FSIP2: variants seen among roughly 807,000 people sequenced by gnomAD.
The protein encoded by FSIP2 is fibrous sheath-interacting protein 2.
A neutral mutation model predicts 510.5 loss-of-function variants in FSIP2; 367 were observed. That is an observed-to-expected ratio of 0.72 (90% CI 0.66 to 0.78). The LOEUF is 0.78. Ranked by LOEUF, FSIP2 falls within the 30% of genes least tolerant of loss-of-function variation. FSIP2 has a pLI of 0.00. For synonymous variants in FSIP2, 2,601 were observed against 2,732.2 expected (o/e 0.95, Z 1.50); for missense variants, 7,594 against 7,901.7 (o/e 0.96, Z 1.48).
Position 185,806,488 on chromosome 2 carries a change from T to A in FSIP2, c.17182T>A (p.Ser5728Thr). The change falls in exon 17 of 23, where the codon TCT becomes ACT. Residue 5728 changes from serine (S) to threonine (T), a missense_variant. Transcript: ENST00000424728. ...AGAGATTAGCAGGGATTCGGCACAG[T>A]CTGTTACAACAAAAAAAGTATCCTC... The part of the protein sequence containing the change: ...IQEISRDSAQ[S>T]VTTKKVSSST... 6.2e-7 allele frequency: 1 copy of A among 1,606,866 alleles called. No individual in the cohort carries two copies. Among genetic ancestry groups the A allele is most frequent in the Non-Finnish European group, 8.5e-7 (1 of 1,177,482 alleles).
In FSIP2 at chr2:185,803,224, G is replaced by C. The variant is rs1483546164; in HGVS notation, c.13918G>C (p.Gly4640Arg). ...AAGAAAAATATTCCACAGGGTAGTA[G>C]GCATTGTACAAACAAAATCCATAAG... Reference protein sequence around the residue: ...VLRKIFHRVVGIVQTKSIRDS... With the variant: ...VLRKIFHRVVRIVQTKSIRDS... The change falls in exon 17 of 23, where the codon GGC (glycine) becomes CGC (arginine). Residue 4640 changes from glycine to arginine, a missense_variant. Gly to Arg is a moderately radical substitution (Grantham distance 125, BLOSUM62 -2). Transcript: ENST00000424728. 9.8e-6 allele frequency: 15 copies of C among 1,530,464 alleles called. No individual in the cohort carries two copies. The highest frequency in any genetic ancestry group is 1.3e-5 in the Non-Finnish European group (15 of 1,144,230). The allele number at this position is 1,530,464 out of a possible 1,614,324, so 94.8% of individuals were successfully genotyped here.
At position 185,738,835 on chromosome 2, in the gene FSIP2, G is replaced by A. The variant is rs1206695607; in HGVS notation, c.-60G>A. On this transcript the variant is annotated 5_prime_UTR_variant, in exon 1 of 23. Transcript: ENST00000424728. ...GGTCAGGTCCGGACAGAGGGACAAC[G>A]GGGTGCTAGAGAAGGAGAGCGGGGC... 6.5e-7 allele frequency: 1 copy of A among 1,535,802 alleles called. No homozygotes were observed. Among genetic ancestry groups the A allele is most frequent in the Admixed American group, 2.0e-5 (1 of 50,982 alleles).
chr2:185,767,199 G>T (rs1426621264), intron 13 of FSIP2, among the ~76,000 whole-genome samples: 1 of 149,162 alleles, frequency 6.7e-6, no homozygotes, highest in Admixed American at 6.7e-5. Context: ...GGATAGCATC[G>T]GGAGATATAC....
At chr2:185,752,304 A>G (rs2105542825) in intron 7 of FSIP2, among the ~76,000 whole-genome samples, 1 of 150,830 alleles carries the variant, frequency 6.6e-6, no homozygotes, top group Non-Finnish European at 1.5e-5. Flanking sequence ...ACTGTCTTTA[A>G]ACTTTATTTT....
chr2:185,763,339 G>A (rs1288598170), intron 12 of FSIP2, 50 bp downstream of exon 12: 1 of 767,560 alleles, frequency 1.3e-6, no homozygotes, highest in Non-Finnish European at 2.2e-6. Context: ...AAAGGGATAT[G>A]ATCTTATGGT....
intron 13 of FSIP2, among the ~76,000 whole-genome samples, chr2:185,776,551 G>C (rs903507880): frequency 6.6e-5 from 10 of 151,848 alleles, no homozygotes; most frequent in Admixed American, 2.0e-4. Flanking sequence ...CATTAATTTT[G>C]ATAACATTCC....
chr2:185,819,536 G>C (rs1277516962), intron 19 of FSIP2, among the ~76,000 whole-genome samples: 1 of 151,684 alleles, frequency 6.6e-6, no homozygotes, highest in African/African-American at 2.4e-5. Flanking sequence ...AAAGAGAGGG[G>C]AAAAAATGAC....
intron 20 of FSIP2, among the ~76,000 whole-genome samples, chr2:185,826,236 C>T (rs1247735488): frequency 2.6e-5 from 4 of 151,756 alleles, no homozygotes; most frequent in Non-Finnish European, 4.4e-5. Context: ...GGCTGTACTT[C>T]CCATCTCATT....
intron 2 of FSIP2, among the ~76,000 whole-genome samples, chr2:185,740,170 C>T (rs2105523592): frequency 6.6e-6 from 1 of 152,238 alleles, no homozygotes; most frequent in Non-Finnish European, 1.5e-5. Flanking sequence ...ACCTGGCATA[C>T]CTTGTCTTCT....
intron 2 of FSIP2, 93 bp downstream of exon 2, chr2:185,739,564 T>C (rs1691880872): frequency 4.3e-6 from 5 of 1,169,366 alleles, no homozygotes; most frequent in Admixed American, 3.5e-5. Context: ...TTAAAGGAAT[T>C]TGCATCAACA....
At position 185,805,854 on chromosome 2, in the gene FSIP2, T is replaced by C. The variant is rs1231292036; in HGVS notation, c.16548T>C (p.Asn5516=). Residue 5516 remains asparagine (N), a synonymous_variant, in exon 17 of 23, where the codon AAT becomes AAC. Coordinates refer to ENST00000424728, the MANE Select transcript of FSIP2 (RefSeq NM_173651.4). ...LTSGLATGVT[N]KKEVDENKVG... ...CAGGGTTGGCTACAGGTGTGACAAA[T>C]AAAAAGGAAGTGGATGAAAATAAAG... The C allele has an allele frequency of 6.2e-7, 1 of 1,608,102 alleles. No individual in the cohort carries two copies. Among genetic ancestry groups the C allele is most frequent in the Non-Finnish European group, 8.5e-7 (1 of 1,177,572 alleles).
At chr2:185,817,611 C>T (rs1158592172) in intron 19 of FSIP2, among the ~76,000 whole-genome samples, 1 of 151,972 alleles carries the variant, frequency 6.6e-6, no homozygotes, top group Non-Finnish European at 1.5e-5. Flanking sequence ...ATATTTTCCA[C>T]ATCAATCAGC....
intron 8 of FSIP2, 51 bp from the exon 9 acceptor site, chr2:185,756,141 A>G (rs1226251984): frequency 2.8e-6 from 2 of 722,610 alleles, no homozygotes; most frequent in African/African-American, 1.8e-5. Context: ...ATCTTGGGTA[A>G]TTCTGTCATC....
At chr2:185,781,970 C>T (rs1304595862) in intron 13 of FSIP2, among the ~76,000 whole-genome samples, 1 of 152,118 alleles carries the variant, frequency 6.6e-6, no homozygotes, top group Non-Finnish European at 1.5e-5. Context: ...CCCCCAGCAG[C>T]TGGGACTACA....
chr2:185,816,354 G>C (rs1051907538), intron 19 of FSIP2, among the ~76,000 whole-genome samples: 4 of 151,378 alleles, frequency 2.6e-5, no homozygotes, highest in Non-Finnish European at 5.9e-5. Flanking sequence ...CCTCTTTATT[G>C]GTTATATTAG....
At chr2:185,761,434 T>C (rs1692347946) in intron 10 of FSIP2, among the ~76,000 whole-genome samples, 1 of 151,128 alleles carries the variant, frequency 6.6e-6, no homozygotes. Context: ...ATAAGATAAA[T>C]TAAATATAAG....
rs778234203 is a variant in FSIP2 at position 185,774,261 on chromosome 2, A to C, written c.1412-8444A>C. On this transcript the variant is annotated intron_variant, in intron 13 of 22. Coordinates refer to ENST00000424728, the MANE Select transcript of FSIP2 (RefSeq NM_173651.4). ...AAGCATGGACTTCTTCCTGTATATA[A>C]TGCCATATTTTCCTGGTATTATTCT... is the stretch of plus-strand genomic sequence containing the variant. Among the ~76,000 whole-genome samples the C allele has an allele frequency of 4.4e-4, 67 of 152,240 alleles. 1 individual carries two copies. The highest frequency in any genetic ancestry group is 8.8e-5 in the Non-Finnish European group (6 of 68,018).
At chr2:185,742,769 G>T (rs759537716) in intron 2 of FSIP2, among the ~76,000 whole-genome samples, 9 of 151,870 alleles carry the variant, frequency 5.9e-5, no homozygotes, top group Non-Finnish European at 1.2e-4. Flanking sequence ...AGAATATTTT[G>T]ATTCGAGAGA....
At chr2:185,758,352 A>T (rs901026714) in intron 9 of FSIP2, among the ~76,000 whole-genome samples, 3 of 151,160 alleles carry the variant, frequency 2.0e-5, no homozygotes, top group African/African-American at 7.3e-5. Context: ...GTAAAAAAAA[A>T]CTACATTTAA....
Sources: allele counts gnomAD v4.1 joint callset (sites outside exome capture counted in the v4.1 genomes callset), GRCh38; gene constraint gnomAD v4.1.1; transcripts MANE v1.5; gene names NCBI Gene and HGNC (gene_info 2026-07-23, HGNC 2026-07-21).